The following LOC128092252 variants were observed in gnomAD, a reference collection of about 807,000 sequenced individuals.
At chr15:50,661,749 G>C in the LOC128092252 span, among the ~76,000 whole-genome samples, 11,443 of 152,224 alleles carry the variant, frequency 0.075, 554 homozygotes, top group South Asian at 0.12. Flanking sequence ...TAAATGGGTA[G>C]AGAACACAGT....
chr15:50,649,413 G>A, the LOC128092252 span, among the ~76,000 whole-genome samples: 2 of 140,432 alleles, frequency 1.4e-5, no homozygotes, highest in South Asian at 2.2e-4. Flanking sequence ...CATCCTGGAC[G>A]ACAGAACAAG....
the LOC128092252 span, among the ~76,000 whole-genome samples, chr15:50,674,746 A>G: frequency 6.6e-6 from 1 of 152,132 alleles, no homozygotes; most frequent in Non-Finnish European, 1.5e-5. Flanking sequence ...TTTGTCTGGG[A>G]AAATCTTCAA....
chr15:50,653,659 T>G, the LOC128092252 span, among the ~76,000 whole-genome samples: 2 of 152,096 alleles, frequency 1.3e-5, no homozygotes, highest in Non-Finnish European at 2.9e-5. Context: ...CAGTAGACAC[T>G]GGGCCAAGCA....
the LOC128092252 span, among the ~76,000 whole-genome samples, chr15:50,684,111 C>G: frequency 6.6e-6 from 1 of 151,382 alleles, no homozygotes; most frequent in African/African-American, 2.4e-5. Flanking sequence ...AGCCTGTCGC[C>G]GCCTCCCAAA....
chr15:50,681,779 A>T, the LOC128092252 span, among the ~76,000 whole-genome samples: 1 of 152,226 alleles, frequency 6.6e-6, no homozygotes, highest in Non-Finnish European at 1.5e-5. Context: ...TGTTTATATG[A>T]TAGTAAGAGG....
At chr15:50,666,119 T>G in the LOC128092252 span, among the ~76,000 whole-genome samples, 10 of 151,960 alleles carry the variant, frequency 6.6e-5, no homozygotes, top group African/African-American at 2.4e-4. Flanking sequence ...AAAACAGATT[T>G]TAATAAAACA....
At chr15:50,686,501 T>G in the LOC128092252 span, 1 of 1,613,376 alleles carries the variant, frequency 6.2e-7, no homozygotes, top group South Asian at 1.1e-5. Flanking sequence ...CCAGAACCAT[T>G]CCCCGCCCGG....
chr15:50,684,813 T>C, the LOC128092252 span, among the ~76,000 whole-genome samples: 1 of 152,174 alleles, frequency 6.6e-6, no homozygotes, highest in South Asian at 2.1e-4. Flanking sequence ...GAGAAGGTAC[T>C]AGAGACTGAA....
the LOC128092252 span, among the ~76,000 whole-genome samples, chr15:50,652,385 C>T: frequency 4.8e-5 from 6 of 125,302 alleles, no homozygotes; most frequent in African/African-American, 1.5e-4. Context: ...AGAGAAAAAT[C>T]GTGGGGGAAA....
At chr15:50,666,818 G>T in the LOC128092252 span, among the ~76,000 whole-genome samples, 2 of 152,026 alleles carry the variant, frequency 1.3e-5, no homozygotes. Context: ...AAAAGAAGAG[G>T]CGGTGGAGGT....
chr15:50,650,192 C>CAAAAAAAAAAAAA, the LOC128092252 span, among the ~76,000 whole-genome samples: 3 of 62,290 alleles, frequency 4.8e-5, no homozygotes, highest in African/African-American at 7.2e-5. Context: ...GACTTTGTCT[C>CAAAAAAAAAAAAA]AAAAAAAAAA....
chr15:50,671,233 T>C, the LOC128092252 span, among the ~76,000 whole-genome samples: 1 of 152,130 alleles, frequency 6.6e-6, no homozygotes, highest in East Asian at 1.9e-4. Context: ...ATAACCACCA[T>C]TCTACTCTCC....
the LOC128092252 span, among the ~76,000 whole-genome samples, chr15:50,656,634 C>A: frequency 4.8e-4 from 73 of 151,890 alleles, no homozygotes; most frequent in African/African-American, 1.7e-3. Context: ...TCACATCCAG[C>A]CTGTCAGGTT....
At chr15:50,650,656 C>T in the LOC128092252 span, among the ~76,000 whole-genome samples, 2 of 151,986 alleles carry the variant, frequency 1.3e-5, no homozygotes, top group Non-Finnish European at 2.9e-5. Context: ...GATCGTGCCA[C>T]TGCACTCCAG....
At chr15:50,663,396 G>T in the LOC128092252 span, among the ~76,000 whole-genome samples, 1 of 152,160 alleles carries the variant, frequency 6.6e-6, no homozygotes, top group Non-Finnish European at 1.5e-5. Context: ...AAAGTGGTGG[G>T]ATTACAGGCG....
chr15:50,665,875 C>A, the LOC128092252 span, among the ~76,000 whole-genome samples: 2 of 152,028 alleles, frequency 1.3e-5, no homozygotes, highest in Non-Finnish European at 2.9e-5. Flanking sequence ...CACCTGTAAT[C>A]CCAGCTACTC....
chr15:50,669,534 G>A, the LOC128092252 span, among the ~76,000 whole-genome samples: 1 of 152,170 alleles, frequency 6.6e-6, no homozygotes, highest in African/African-American at 2.4e-5. Context: ...AATTTCGAAA[G>A]CCTATATAAT....
chr15:50,666,680 T>G, the LOC128092252 span, among the ~76,000 whole-genome samples: 1 of 151,880 alleles, frequency 6.6e-6, no homozygotes, highest in South Asian at 2.1e-4. Context: ...TGCATGCCTA[T>G]AATCGCAGCT....
At chr15:50,669,470 C>G in the LOC128092252 span, among the ~76,000 whole-genome samples, 1 of 151,952 alleles carries the variant, frequency 6.6e-6, no homozygotes, top group Non-Finnish European at 1.5e-5. Context: ...ATGCTGGGCT[C>G]GGTTTTAAAA....
Sources: gnomAD v4.1 joint callset for allele counts (sites outside exome capture counted in the v4.1 genomes callset) on GRCh38, gnomAD v4.1.1 for gene constraint, MANE v1.5 for transcripts.